SHROOM3: variants seen among roughly 807,000 people sequenced by gnomAD.
The protein encoded by SHROOM3 is shroom family member 3, also known as protein Shroom3.
SHROOM3 carries 47 observed loss-of-function variants against 138.6 expected under a neutral mutation model. That is an observed-to-expected ratio of 0.34 (90% CI 0.27 to 0.43). SHROOM3 has a LOEUF of 0.43. SHROOM3 is among the 20% of genes least tolerant of loss of function. SHROOM3 has a pLI of 1.00. For synonymous variants in SHROOM3, 1,062 were observed against 1,063.3 expected, an observed-to-expected ratio of 1.00 and a Z score of 0.02; for missense variants, 2,491 against 2,596.5, an observed-to-expected ratio of 0.96 and a Z score of 0.88.
chr4:76,475,021 G>C (rs983097279), intron 1 of SHROOM3, among the ~76,000 whole-genome samples: 1 of 151,976 alleles, frequency 6.6e-6, no homozygotes, highest in Non-Finnish European at 1.5e-5. Flanking sequence ...TCATCTCTGC[G>C]TCTTTCCTAG....
chr4:76,501,520 C>T (rs1327633943), intron 1 of SHROOM3, among the ~76,000 whole-genome samples: 2 of 151,866 alleles, frequency 1.3e-5, no homozygotes, highest in African/African-American at 4.8e-5. Context: ...TTAGGAATTT[C>T]CTGGGCGGCA....
intron 1 of SHROOM3, among the ~76,000 whole-genome samples, chr4:76,502,190 G>A (rs557611466): frequency 3.9e-5 from 6 of 152,234 alleles, no homozygotes; most frequent in South Asian, 4.2e-4. Context: ...AGCCCTCACC[G>A]GATGCAGCCC....
rs565623180 is a variant in SHROOM3 at position 76,667,129 on chromosome 4, C to T, written c.324-43027C>T. 8.5e-5 allele frequency among the ~76,000 whole-genome samples: 13 copies of T among 152,056 alleles called. 1 individual carries two copies. Among genetic ancestry groups the T allele is most frequent in the African/African-American group, 3.1e-4 (13 of 41,446 alleles). The stretch of plus-strand genomic sequence containing the variant: ...GTACAAAGTTTCAGTTTTACAACTT[C>T]GTAAAACTGAAGAGTAAAAGAGTTC... On this transcript the variant is annotated intron_variant, in intron 2 of 10. Transcript: ENST00000296043.
At chr4:76,441,345 G>A (rs1021217778) in intron 1 of SHROOM3, among the ~76,000 whole-genome samples, 4 of 151,966 alleles carry the variant, frequency 2.6e-5, no homozygotes, top group Admixed American at 6.5e-5. Context: ...CACCCACCTC[G>A]GCCTCCCAAA....
At chr4:76,756,083 C>G (rs1163795208) in intron 7 of SHROOM3, among the ~76,000 whole-genome samples, 1 of 152,200 alleles carries the variant, frequency 6.6e-6, no homozygotes, top group Non-Finnish European at 1.5e-5. Context: ...TCCTGACCAG[C>G]TGCTGGGCTC....
chr4:76,733,338 A>C (rs1328247786), intron 4 of SHROOM3, among the ~76,000 whole-genome samples: 1 of 152,196 alleles, frequency 6.6e-6, no homozygotes, highest in Non-Finnish European at 1.5e-5. Flanking sequence ...AGGCAGGTGG[A>C]TCTGCCCTTG....
chr4:76,712,273 T>G (rs937484072), intron 3 of SHROOM3, among the ~76,000 whole-genome samples: 3 of 151,890 alleles, frequency 2.0e-5, no homozygotes, highest in Non-Finnish European at 4.4e-5. Flanking sequence ...AAATAGCAGA[T>G]GAGGGTAGGA....
chr4:76,551,136 G>A (rs988670177), intron 1 of SHROOM3, among the ~76,000 whole-genome samples: 5 of 151,288 alleles, frequency 3.3e-5, no homozygotes, highest in African/African-American at 9.7e-5. Flanking sequence ...CTCCTGCATA[G>A]CTGAGACCAC....
intron 9 of SHROOM3, among the ~76,000 whole-genome samples, chr4:76,769,112 G>T (rs918297013): frequency 7.3e-5 from 11 of 150,824 alleles, no homozygotes; most frequent in East Asian, 5.8e-4. Flanking sequence ...TCCTTTTTTT[G>T]TGTGTGTGTT....
At position 76,684,322 on chromosome 4, in the gene SHROOM3, G is replaced by A. The variant is rs114275652; in HGVS notation, c.324-25834G>A. On this transcript the variant is annotated intron_variant, in intron 2 of 10. Coordinates refer to ENST00000296043, the MANE Select transcript of SHROOM3 (RefSeq NM_020859.4). ...GCCTTGACAGGGTCCTTTGTGTTCCGTGTCTCCATAAGGACAAGAACTTGC... is the reference window on the plus strand; with the variant it reads ...GCCTTGACAGGGTCCTTTGTGTTCCATGTCTCCATAAGGACAAGAACTTGC... Among the ~76,000 whole-genome samples, 585 of 152,218 alleles carry A rather than the reference G, an allele frequency of 3.8e-3. 5 individuals are homozygous for A. Among genetic ancestry groups the A allele is most frequent in the African/African-American group, 0.013 (539 of 41,516 alleles).
In SHROOM3 at chr4:76,780,804, T is replaced by C. The variant is rs2109802002; in HGVS notation, c.*1627T>C. 1 of 152,338 alleles carries C rather than the reference T, an allele frequency of 6.6e-6. No homozygotes were observed. The highest frequency in any genetic ancestry group is 1.9e-4 in the East Asian group (1 of 5,192). 9.4% of individuals were successfully genotyped at this position (152,338 alleles called of 1,614,324 possible). ...AGACAGCACCTTGGTTTCCCAGGGA[T>C]GTTTTCATTCAGAGGTCCTGTCTCC... is the stretch of plus-strand genomic sequence containing the variant. On this transcript the variant is annotated 3_prime_UTR_variant, in exon 11 of 11. Coordinates refer to ENST00000296043, the MANE Select transcript of SHROOM3 (RefSeq NM_020859.4).
intron 2 of SHROOM3, chr4:76,575,768 T>C (rs1303072702): frequency 1.3e-5 from 2 of 152,086 alleles, no homozygotes; most frequent in Non-Finnish European, 2.9e-5. Flanking sequence ...TATAATACAC[T>C]GATGAAAGGA....
At chr4:76,628,253 C>A (rs1285352758) in intron 2 of SHROOM3, among the ~76,000 whole-genome samples, 1 of 152,208 alleles carries the variant, frequency 6.6e-6, no homozygotes, top group Admixed American at 6.5e-5. Flanking sequence ...TTGGCTACTT[C>A]TTTCACTATT....
intron 1 of SHROOM3, among the ~76,000 whole-genome samples, chr4:76,476,329 C>A (rs1472562148): frequency 6.6e-6 from 1 of 152,148 alleles, no homozygotes; most frequent in African/African-American, 2.4e-5. Context: ...ACTCTCAAAG[C>A]CATTTGTGTT....
intron 1 of SHROOM3, among the ~76,000 whole-genome samples, chr4:76,490,426 C>CT (rs1042081456): frequency 2.0e-5 from 3 of 151,050 alleles, no homozygotes; most frequent in Admixed American, 6.6e-5. Flanking sequence ...ATTTTTTTTT[C>CT]TTTTTTTTAG....
intron 1 of SHROOM3, among the ~76,000 whole-genome samples, chr4:76,468,896 T>C (rs528924765): frequency 6.8e-4 from 104 of 151,882 alleles, no homozygotes; most frequent in Middle Eastern, 6.8e-3. Context: ...TAGCCAGGCG[T>C]GGTGGCAGGC....
chr4:76,505,660 CTTTT>C (rs201633763), intron 1 of SHROOM3, among the ~76,000 whole-genome samples: 1 of 135,784 alleles, frequency 7.4e-6, no homozygotes, highest in Non-Finnish European at 1.6e-5. Context: ...GGTATTGTGA[CTTTT>C]TTTTTTTTTT....
chr4:76,647,547 A>G (rs1172718661), intron 2 of SHROOM3, among the ~76,000 whole-genome samples: 1 of 152,208 alleles, frequency 6.6e-6, no homozygotes, highest in Non-Finnish European at 1.5e-5. Flanking sequence ...TACATATATT[A>G]TGTATTAATA....
chr4:76,693,370 G>GTTGTTTTTT (rs1553937619), intron 2 of SHROOM3, among the ~76,000 whole-genome samples: 1 of 79,810 alleles, frequency 1.3e-5, no homozygotes, highest in East Asian at 4.2e-4. Context: ...TGATAAGTTT[G>GTTGTTTTTT]TTTTTTTTTT....
Sources: gnomAD v4.1 joint callset for allele counts (sites outside exome capture counted in the v4.1 genomes callset) on GRCh38, gnomAD v4.1.1 for gene constraint, MANE v1.5 for transcripts, NCBI Gene and HGNC (gene_info 2026-07-23, HGNC 2026-07-21) for gene names.